Variants in HMCN1 observed in about 807,000 individuals in gnomAD.
HMCN1 encodes the protein hemicentin-1.
Under a neutral mutation model 625.9 loss-of-function variants are expected in HMCN1, and 321 were observed. The observed-to-expected ratio is 0.51, with a 90% confidence interval of 0.47 to 0.56. The LOEUF is 0.56. Ranked by LOEUF, HMCN1 falls within the 20% of genes least tolerant of loss-of-function variation. The pLI is 0.00. For synonymous variants in HMCN1, 2,425 were observed against 2,417.6 expected, an observed-to-expected ratio of 1.00 and a Z score of -0.09; for missense variants, 6,588 against 6,887.3, an observed-to-expected ratio of 0.96 and a Z score of 1.54.
chr1:186,007,729 G>A (rs1653735623), intron 30 of HMCN1, among the ~76,000 whole-genome samples: 1 of 152,088 alleles, frequency 6.6e-6, no homozygotes, highest in Non-Finnish European at 1.5e-5. Context: ...TGCCTTATGT[G>A]TTTGTGCTAC....
At chr1:186,082,317 G>A (rs1010028152) in intron 56 of HMCN1, among the ~76,000 whole-genome samples, 4 of 152,256 alleles carry the variant, frequency 2.6e-5, no homozygotes, top group African/African-American at 2.4e-5. Flanking sequence ...TGATTCTTCC[G>A]GATGTGGCCT....
chr1:186,117,186 A>G, intron 76 of HMCN1, 71 bp downstream of exon 76: 1 of 1,586,144 alleles, frequency 6.3e-7, no homozygotes, highest in Non-Finnish European at 8.6e-7. Context: ...ACTTTACAAA[A>G]GGGATCCCTT....
At chr1:185,774,637 C>T (rs927850127) in intron 1 of HMCN1, among the ~76,000 whole-genome samples, 1 of 151,982 alleles carries the variant, frequency 6.6e-6, no homozygotes, top group Admixed American at 6.6e-5. Flanking sequence ...TATGTGTAAT[C>T]CCCCGTGGAA....
At chr1:186,182,079 G>A in intron 104 of HMCN1, 89 bp from the exon 105 acceptor site, 2 of 1,443,324 alleles carry the variant, frequency 1.4e-6, no homozygotes, top group Admixed American at 3.4e-5. Context: ...TTTTTCTAAT[G>A]TATATCAACA....
chr1:185,946,930 TAA>T (rs1236523487), intron 11 of HMCN1, among the ~76,000 whole-genome samples: 6 of 152,200 alleles, frequency 3.9e-5, no homozygotes, highest in African/African-American at 1.4e-4. Context: ...TATTTGCCAT[TAA>T]GAGTCTGTCA....
rs1654583551 is a variant in HMCN1 at position 186,019,581 on chromosome 1, T to A, written c.5511T>A (p.Val1837=). The A allele has an allele frequency of 3.7e-6, 6 of 1,610,798 alleles. No homozygotes were observed. The highest frequency in any genetic ancestry group is 5.1e-6 in the Non-Finnish European group (6 of 1,177,258). ...AGTCCTCAGGCCTTTCTGAGAGAGT[T>A]GTGGTAAAATACAAGCCTGTCGCCT... ...TIKSSGLSER[V]VVKYKPVALQ... The change falls in exon 35 of 107, where the codon GTT becomes GTA. Residue 1837 remains valine (V), a synonymous_variant. Coordinates refer to ENST00000271588, the MANE Select transcript of HMCN1 (RefSeq NM_031935.3).
At chr1:185,943,525 G>A (rs1668187204) in intron 11 of HMCN1, among the ~76,000 whole-genome samples, 1 of 152,148 alleles carries the variant, frequency 6.6e-6, no homozygotes, top group Non-Finnish European at 1.5e-5. Flanking sequence ...CTTCCTTGTA[G>A]ATATGACTCA....
intron 1 of HMCN1, among the ~76,000 whole-genome samples, chr1:185,774,766 C>T (rs1656483291): frequency 6.6e-6 from 1 of 152,078 alleles, no homozygotes; most frequent in Non-Finnish European, 1.5e-5. Context: ...AGGAATGTTG[C>T]TGAAATTGTT....
At chr1:185,983,595 TG>T (rs1347770868) in intron 18 of HMCN1, among the ~76,000 whole-genome samples, 1 of 152,166 alleles carries the variant, frequency 6.6e-6, no homozygotes, top group African/African-American at 2.4e-5. Flanking sequence ...ATATGCAGTG[TG>T]GATGGATGAT....
At chr1:186,169,436 A>C (rs1652083577) in intron 100 of HMCN1, among the ~76,000 whole-genome samples, 1 of 152,224 alleles carries the variant, frequency 6.6e-6, no homozygotes. Context: ...ACCTGACTTC[A>C]AACTATATTA....
intron 60 of HMCN1, 38 bp downstream of exon 60, chr1:186,087,683 T>A: frequency 6.4e-7 from 1 of 1,565,372 alleles, no homozygotes; most frequent in South Asian, 1.1e-5. Flanking sequence ...CATGACACCT[T>A]GGTGGGGTGG....
chr1:186,003,631 C>T (rs182532863), intron 28 of HMCN1, 87 bp from the exon 29 acceptor site: 33 of 1,241,816 alleles, frequency 2.7e-5, no homozygotes, highest in Admixed American at 1.9e-4. Context: ...TGTTGAAATA[C>T]TATAGAAATC....
At chr1:186,162,192 T>A (rs1336650031) in intron 97 of HMCN1, among the ~76,000 whole-genome samples, 1 of 152,344 alleles carries the variant, frequency 6.6e-6, no homozygotes, top group African/African-American at 2.4e-5. Flanking sequence ...TGATGTCCTT[T>A]CTTCCAGTTG....
intron 1 of HMCN1, among the ~76,000 whole-genome samples, chr1:185,836,166 C>T (rs757299240): frequency 1.2e-4 from 18 of 152,204 alleles, no homozygotes; most frequent in Non-Finnish European, 2.4e-4. Flanking sequence ...GCTCTTTTTC[C>T]AGTGACCATT....
intron 39 of HMCN1, 111 bp downstream of exon 39, chr1:186,039,990 A>G (rs1026025797): frequency 1.2e-5 from 13 of 1,076,954 alleles, no homozygotes; most frequent in African/African-American, 1.6e-5. Flanking sequence ...AACAGATGCT[A>G]TTTTTTAAAT....
At chr1:185,780,499 CTTATT>C (rs1557962296) in intron 1 of HMCN1, among the ~76,000 whole-genome samples, 1 of 152,128 alleles carries the variant, frequency 6.6e-6, no homozygotes, top group Non-Finnish European at 1.5e-5. Flanking sequence ...ATAAATAGCT[CTTATT>C]ATTTTGATGT....
rs1660091948 is a variant in HMCN1, at chr1:186,095,519, T to G, written c.10571T>G (p.Leu3524Arg). The G allele has an allele frequency of 6.2e-7, 1 of 1,613,298 alleles. No individual in the cohort carries two copies. Among genetic ancestry groups the G allele is most frequent in the East Asian group, 2.2e-5 (1 of 44,848 alleles). ...AGCAAGCACTTTATCCTCAAGGTCCTAGGTATGTAAACATTGTGGTAAATG... is the reference window on the plus strand; with the variant it reads ...AGCAAGCACTTTATCCTCAAGGTCCGAGGTATGTAAACATTGTGGTAAATG... ...EVSKHFILKV[L>R]EPPHINGSEE... The change falls in exon 68 of 107, where the codon CTA becomes CGA. Residue 3524 changes from leucine to arginine, a missense_variant and splice_region_variant. This residue lies in a region of HMCN1 where 4,628 missense variants were observed against 4,853.1 expected (regional missense o/e 0.95). Coordinates refer to ENST00000271588, the MANE Select transcript of HMCN1 (RefSeq NM_031935.3).
At chr1:185,742,079 A>G (rs1431410122) in intron 1 of HMCN1, among the ~76,000 whole-genome samples, 1 of 152,220 alleles carries the variant, frequency 6.6e-6, no homozygotes, top group Non-Finnish European at 1.5e-5. Flanking sequence ...TACAAATAAA[A>G]GTAAAAAGAA....
intron 2 of HMCN1, among the ~76,000 whole-genome samples, chr1:185,856,549 T>G (rs1662479471): frequency 6.6e-6 from 1 of 151,288 alleles, no homozygotes; most frequent in Non-Finnish European, 1.5e-5. Flanking sequence ...CATACCTAAA[T>G]TTTACAGGTA....
Sources: gnomAD v4.1 joint callset for allele counts (sites outside exome capture counted in the v4.1 genomes callset) on GRCh38, gnomAD v4.1.1 for gene constraint, gnomAD v4.1.1 regional missense constraint, MANE v1.5 for transcripts, NCBI Gene and HGNC (gene_info 2026-07-23, HGNC 2026-07-21) for gene names.